ELF1: variants seen among roughly 807,000 people sequenced by gnomAD.
The protein encoded by ELF1 is ETS-related transcription factor Elf-1.
ELF1 carries 24 observed loss-of-function variants against 59.9 expected under a neutral mutation model. The ratio of observed to expected loss-of-function variants is 0.40; its 90% CI spans 0.29 to 0.56. The LOEUF is 0.56. Among genes scored for constraint, ELF1 ranks in the 20% least tolerant of loss-of-function variants. The pLI is 0.44. For missense variants in ELF1, 627 were observed against 742.2 expected, an observed-to-expected ratio of 0.84 and a Z score of 1.80; for synonymous variants, 248 against 266.2, an observed-to-expected ratio of 0.93 and a Z score of 0.67.
At chr13:40,998,583 T>C (rs1050600917) in intron 1 of ELF1, among the ~76,000 whole-genome samples, 3 of 152,242 alleles carry the variant, frequency 2.0e-5, no homozygotes, top group African/African-American at 7.2e-5. Context: ...AAATTATACA[T>C]TAACTTTATA....
At chr13:40,992,361 G>C (rs1873899987) in intron 1 of ELF1, among the ~76,000 whole-genome samples, 1 of 152,150 alleles carries the variant, frequency 6.6e-6, no homozygotes, top group Non-Finnish European at 1.5e-5. Context: ...ACAGCAATAA[G>C]AGCTAGATCT....
intron 8 of ELF1, 24 bp from the exon 9 acceptor site, chr13:40,934,052 T>C (rs1869601360): frequency 1.9e-6 from 3 of 1,584,988 alleles, no homozygotes; most frequent in South Asian, 1.1e-5. Context: ...GAAATTAAAG[T>C]GAGACAATTA....
At chr13:40,960,875 TTC>T (rs1871773490) in intron 2 of ELF1, among the ~76,000 whole-genome samples, 1 of 152,238 alleles carries the variant, frequency 6.6e-6, no homozygotes, top group Non-Finnish European at 1.5e-5. Context: ...ATAAAGAATC[TTC>T]TCTTTTTCTT....
At chr13:41,038,264 A>G (rs1876466315) in intron 1 of ELF1, among the ~76,000 whole-genome samples, 1 of 152,088 alleles carries the variant, frequency 6.6e-6, no homozygotes, top group African/African-American at 2.4e-5. Flanking sequence ...TGATGATAAT[A>G]AAAATGGTAT....
At chr13:40,963,735 T>G (rs1462812206) in intron 2 of ELF1, among the ~76,000 whole-genome samples, 1 of 152,172 alleles carries the variant, frequency 6.6e-6, no homozygotes, top group East Asian at 1.9e-4. Context: ...GGTAAAACCC[T>G]GCCTCTACTA....
intron 5 of ELF1, 23 bp downstream of exon 5, chr13:40,949,783 C>A: frequency 6.2e-7 from 1 of 1,612,450 alleles, no homozygotes; most frequent in East Asian, 2.2e-5. Flanking sequence ...GACTATGCGC[C>A]CTAAACAAAG....
rs2138309688 is a variant in ELF1 at position 40,993,036 on chromosome 13, T to C, written c.-228-10754A>G. The C allele has an allele frequency of 7.6e-6, 12 of 1,574,962 alleles. No individual in the cohort carries two copies. The South Asian group carries it at 1.1e-4, about 15-fold the overall frequency. On this transcript the variant is annotated intron_variant, in intron 1 of 8. Coordinates refer to ENST00000239882, the MANE Select transcript of ELF1 (RefSeq NM_172373.4). ...TTTGTTGTATTCTGTTCAGAGGAACTCTCTGAAAAGGTTTCTTCCTGCTGG... is the reference window on the plus strand; with the variant it reads ...TTTGTTGTATTCTGTTCAGAGGAACCCTCTGAAAAGGTTTCTTCCTGCTGG...
At chr13:41,042,572 C>T (rs1230344924) in intron 1 of ELF1, among the ~76,000 whole-genome samples, 1 of 151,590 alleles carries the variant, frequency 6.6e-6, no homozygotes, top group Non-Finnish European at 1.5e-5. Flanking sequence ...GGTTTTTTGT[C>T]CTTGCGATAG....
intron 2 of ELF1, among the ~76,000 whole-genome samples, chr13:40,969,446 C>G (rs899516500): frequency 6.6e-6 from 1 of 152,104 alleles, no homozygotes; most frequent in Non-Finnish European, 1.5e-5. Flanking sequence ...GTTTTCCTTA[C>G]TTGTAAAATG....
intron 2 of ELF1, among the ~76,000 whole-genome samples, chr13:40,973,549 G>T (rs1593372199): frequency 6.6e-6 from 1 of 151,978 alleles, no homozygotes; most frequent in African/African-American, 2.4e-5. Context: ...AAATTTTCAA[G>T]ATCACATAGC....
intron 3 of ELF1, among the ~76,000 whole-genome samples, chr13:40,958,226 C>T (rs1871577266): frequency 6.6e-6 from 1 of 152,196 alleles, no homozygotes; most frequent in African/African-American, 2.4e-5. Context: ...AAATATCTTA[C>T]TAGTTCTGAC....
At chr13:40,988,630 T>G (rs1393653775) in intron 1 of ELF1, among the ~76,000 whole-genome samples, 1 of 152,156 alleles carries the variant, frequency 6.6e-6, no homozygotes, top group South Asian at 2.1e-4. Context: ...AGTCTTAGAG[T>G]TTTACTATTA....
At chr13:40,994,158 A>G (rs1207757152) in intron 1 of ELF1, among the ~76,000 whole-genome samples, 1 of 150,916 alleles carries the variant, frequency 6.6e-6, no homozygotes, top group Non-Finnish European at 1.5e-5. Context: ...GTTCTTTCAC[A>G]TAGTTCTTCA....
At chr13:40,996,355 C>T (rs555499311) in intron 1 of ELF1, among the ~76,000 whole-genome samples, 23 of 152,330 alleles carry the variant, frequency 1.5e-4, no homozygotes, top group African/African-American at 5.5e-4. Flanking sequence ...AAAACCTGCA[C>T]ATGGATGTTT....
intron 1 of ELF1, among the ~76,000 whole-genome samples, chr13:41,041,557 C>G (rs1356794930): frequency 1.3e-5 from 2 of 152,078 alleles, no homozygotes; most frequent in Non-Finnish European, 1.5e-5. Flanking sequence ...CACCTGTAGT[C>G]CCACCTACTT....
At chr13:41,030,641 C>T (rs1876121787) in intron 1 of ELF1, among the ~76,000 whole-genome samples, 1 of 151,904 alleles carries the variant, frequency 6.6e-6, no homozygotes, top group African/African-American at 2.4e-5. Context: ...GTCCCAGCTA[C>T]TGGGGAGGCT....
At chr13:41,058,897 C>T (rs895762561) in intron 1 of ELF1, among the ~76,000 whole-genome samples, 11 of 152,186 alleles carry the variant, frequency 7.2e-5, no homozygotes, top group South Asian at 2.1e-4. Context: ...AGCTTGAATC[C>T]GGGAGGCGGA....
intron 1 of ELF1, among the ~76,000 whole-genome samples, chr13:41,039,250 A>G (rs1256164905): frequency 2.0e-5 from 3 of 151,612 alleles, no homozygotes. Flanking sequence ...TAAATAAGTA[A>G]GTAAATAAAT....
intron 1 of ELF1, among the ~76,000 whole-genome samples, chr13:40,998,912 G>A (rs1490109574): frequency 6.6e-6 from 1 of 152,186 alleles, no homozygotes; most frequent in Non-Finnish European, 1.5e-5. Flanking sequence ...GCTGGGCATG[G>A]TGGTGCACAC....
Sources: allele counts gnomAD v4.1 joint callset (sites outside exome capture counted in the v4.1 genomes callset), GRCh38; gene constraint gnomAD v4.1.1; transcripts MANE v1.5; gene names NCBI Gene and HGNC (gene_info 2026-07-23, HGNC 2026-07-21).